Variants in ARNT2 observed in about 807,000 individuals in gnomAD.
ARNT2 encodes aryl hydrocarbon receptor nuclear translocator 2.
In ARNT2, 36 loss-of-function variants were observed where a neutral mutation model predicts 91.7. The ratio of observed to expected loss-of-function variants is 0.39; its 90% CI spans 0.30 to 0.52. The LOEUF (loss-of-function observed/expected upper bound fraction) is 0.52, where lower values mean the gene tolerates loss of function less well. ARNT2 is among the 20% of genes least tolerant of loss of function. ARNT2 has a pLI of 0.72. For synonymous variants in ARNT2, 365 were observed against 347.1 expected (o/e 1.05, Z -0.57); for missense variants, 775 against 939.3 (o/e 0.83, Z 2.29).
chr15:80,591,810 G>A lies in ARNT2; in HGVS notation c.2055+106G>A. On this transcript the variant is annotated intron_variant, in intron 18 of 18. Transcript: ENST00000303329. This position sits in a 1 kb window ranked among gnomAD's most constrained non-coding sequence, Gnocchi z 5.1. ...ACCGCCTGCCCGATAGCCGTCGTGAGTTCTGGCCCAGCCTGGGCTCGAGGG... is the reference window on the plus strand; with the variant it reads ...ACCGCCTGCCCGATAGCCGTCGTGAATTCTGGCCCAGCCTGGGCTCGAGGG... 1 of 1,536,974 alleles carries A rather than the reference G, an allele frequency of 6.5e-7. No homozygotes were observed. The highest frequency in any genetic ancestry group is 8.8e-7 in the Non-Finnish European group (1 of 1,137,770).
chr15:80,477,004 T>C (rs1461243004), intron 5 of ARNT2, among the ~76,000 whole-genome samples: 1 of 152,214 alleles, frequency 6.6e-6, no homozygotes, highest in East Asian at 1.9e-4. Context: ...GAGTGAGTTC[T>C]CACAAGATCT....
chr15:80,413,189 G>A (rs1244165253), intron 1 of ARNT2, among the ~76,000 whole-genome samples: 2 of 152,234 alleles, frequency 1.3e-5, no homozygotes, highest in Non-Finnish European at 2.9e-5. Flanking sequence ...CCGCTGCAGG[G>A]GCCCCATGAC....
chr15:80,592,105 A>T (rs1488654504), intron 18 of ARNT2, among the ~76,000 whole-genome samples: 1 of 152,134 alleles, frequency 6.6e-6, no homozygotes. Context: ...GATGTGGAGG[A>T]CATCCCCACC....
rs1893276704 is a variant in ARNT2 at position 80,591,345 on chromosome 15, C to G, written c.1919-223C>G. Among the ~76,000 whole-genome samples, 1 of 152,182 alleles carries G rather than the reference C, an allele frequency of 6.6e-6. No homozygotes were observed. Among genetic ancestry groups the G allele is most frequent in the Non-Finnish European group, 1.5e-5 (1 of 68,038 alleles). On this transcript the variant is annotated intron_variant, in intron 17 of 18. Coordinates refer to ENST00000303329, the MANE Select transcript of ARNT2 (RefSeq NM_014862.4). The surrounding 1 kb of genome is among the most constrained non-coding windows in gnomAD (Gnocchi z 5.1). Reference sequence around the variant, plus strand: ...CCTCAGGAAGAGCCATCCTCTCTGGCCAAGTACCTGCACCATTGGGCAAAG... The same window carrying G: ...CCTCAGGAAGAGCCATCCTCTCTGGGCAAGTACCTGCACCATTGGGCAAAG...
intron 6 of ARNT2, among the ~76,000 whole-genome samples, chr15:80,508,990 C>T (rs1354156411): frequency 6.6e-6 from 1 of 152,202 alleles, no homozygotes; most frequent in African/African-American, 2.4e-5. Flanking sequence ...GTGGGAGGTG[C>T]AGGACAGAGA....
intron 1 of ARNT2, among the ~76,000 whole-genome samples, chr15:80,410,484 G>T (rs1895665050): frequency 6.6e-6 from 1 of 152,188 alleles, no homozygotes; most frequent in Non-Finnish European, 1.5e-5. Flanking sequence ...AAGTGGAACT[G>T]TCATGGAGGC....
chr15:80,582,465 C>T (rs1288762734), intron 17 of ARNT2, among the ~76,000 whole-genome samples: 1 of 152,026 alleles, frequency 6.6e-6, no homozygotes, highest in Non-Finnish European at 1.5e-5. Context: ...CACTGCACTC[C>T]AGCCTGGGTG....
At chr15:80,457,336 G>C (rs1393032115) in intron 2 of ARNT2, among the ~76,000 whole-genome samples, 1 of 152,142 alleles carries the variant, frequency 6.6e-6, no homozygotes, top group Non-Finnish European at 1.5e-5. Context: ...CATGTTTGTG[G>C]TCCTGGATTT....
intron 5 of ARNT2, among the ~76,000 whole-genome samples, chr15:80,490,463 G>A (rs1462095040): frequency 6.6e-6 from 1 of 152,246 alleles, no homozygotes; most frequent in Non-Finnish European, 1.5e-5. Context: ...GAGATCCAGG[G>A]TATCTGGGCG....
chr15:80,492,779 A>C (rs531834464), intron 5 of ARNT2, among the ~76,000 whole-genome samples: 2 of 152,296 alleles, frequency 1.3e-5, no homozygotes, highest in East Asian at 1.9e-4. Flanking sequence ...TAGCAGTATC[A>C]CTATTTATTG....
At chr15:80,493,568 A>G (rs1478378054) in intron 5 of ARNT2, among the ~76,000 whole-genome samples, 2 of 152,064 alleles carry the variant, frequency 1.3e-5, no homozygotes, top group Non-Finnish European at 2.9e-5. Context: ...TCAGGGTGAT[A>G]TGAGGGGGCT....
At chr15:80,480,341 A>G (rs1017481973) in intron 5 of ARNT2, among the ~76,000 whole-genome samples, 1 of 152,094 alleles carries the variant, frequency 6.6e-6, no homozygotes, top group Non-Finnish European at 1.5e-5. Flanking sequence ...GCAGCTCAGC[A>G]GGGGCCGCCC....
At chr15:80,463,361 GCCT>G (rs1211883407) in intron 3 of ARNT2, among the ~76,000 whole-genome samples, 1 of 146,910 alleles carries the variant, frequency 6.8e-6, no homozygotes, top group East Asian at 2.0e-4. Context: ...AACTTCCCAT[GCCT>G]CCTCCCTGCC....
At chr15:80,432,989 A>G (rs1035047168) in intron 1 of ARNT2, among the ~76,000 whole-genome samples, 5 of 152,200 alleles carry the variant, frequency 3.3e-5, no homozygotes, top group African/African-American at 1.2e-4. Flanking sequence ...ACTGTTTTGC[A>G]TATATTTTAT....
At chr15:80,499,171 T>C (rs1293998108) in intron 5 of ARNT2, among the ~76,000 whole-genome samples, 3 of 152,238 alleles carry the variant, frequency 2.0e-5, no homozygotes, top group Non-Finnish European at 4.4e-5. Context: ...ATCTGCTTTT[T>C]ATTATCATCA....
At chr15:80,551,324 C>G (rs1249306183) in intron 9 of ARNT2, 49 bp downstream of exon 9, 6 of 1,528,176 alleles carry the variant, frequency 3.9e-6, no homozygotes, top group Non-Finnish European at 4.5e-6. Context: ...GGCTTATTGC[C>G]ACAAAGTGCA....
At chr15:80,567,435 T>C (rs1898505558) in intron 12 of ARNT2, among the ~76,000 whole-genome samples, 1 of 152,136 alleles carries the variant, frequency 6.6e-6, no homozygotes, top group African/African-American at 2.4e-5. Context: ...TGAGCTCCCA[T>C]AACGTTCTTG....
At chr15:80,405,760 T>A (rs1473525879) in intron 1 of ARNT2, among the ~76,000 whole-genome samples, 1 of 152,164 alleles carries the variant, frequency 6.6e-6, no homozygotes, top group Non-Finnish European at 1.5e-5. Flanking sequence ...GCAGTGGGAT[T>A]TAACACTGAG....
chr15:80,513,661 G>T (rs1039471029), intron 6 of ARNT2, among the ~76,000 whole-genome samples: 1 of 145,826 alleles, frequency 6.9e-6, no homozygotes, highest in African/African-American at 2.6e-5. Flanking sequence ...TCCTGGACTG[G>T]GCCCTGAAAC....
Sources: gnomAD v4.1 joint callset for allele counts (sites outside exome capture counted in the v4.1 genomes callset) on GRCh38, gnomAD v4.1.1 for gene constraint, Gnocchi (gnomAD v3.1) non-coding constraint, MANE v1.5 for transcripts, NCBI Gene and HGNC (gene_info 2026-07-23, HGNC 2026-07-21) for gene names.